Variants in COG3 observed in about 807,000 individuals in gnomAD.
COG3 encodes conserved oligomeric Golgi complex subunit 3.
Under a neutral mutation model 114.1 loss-of-function variants are expected in COG3, and 32 were observed. The ratio of observed to expected loss-of-function variants is 0.28; its 90% confidence interval spans 0.21 to 0.38. COG3 has a LOEUF of 0.38. Among genes scored for constraint, COG3 ranks in the 10% least tolerant of loss-of-function variants. The probability of loss-of-function intolerance (pLI) is 1.00; values close to 1 mark genes in which losing one functional copy is unlikely to be tolerated. For synonymous variants in COG3, 352 were observed against 365.7 expected (o/e 0.96, Z 0.43); for missense variants, 813 against 973.2 (o/e 0.84, Z 2.19).
intron 19 of COG3, among the ~76,000 whole-genome samples, chr13:45,519,810 A>G (rs1344039356): frequency 1.3e-5 from 2 of 152,238 alleles, no homozygotes; most frequent in South Asian, 2.1e-4. Flanking sequence ...AGGACTGACT[A>G]TATGTGTGGA....
intron 1 of COG3, among the ~76,000 whole-genome samples, chr13:45,469,627 C>G (rs180864774): frequency 5.3e-4 from 80 of 152,170 alleles, no homozygotes; most frequent in African/African-American, 1.6e-3. Context: ...CTTTATCTTA[C>G]ATGGTGAAGT....
intron 2 of COG3, among the ~76,000 whole-genome samples, chr13:45,477,930 A>G (rs1334334388): frequency 2.6e-5 from 4 of 152,040 alleles, no homozygotes; most frequent in African/African-American, 9.6e-5. Context: ...CCGGCCCCAC[A>G]GTCCATATTC....
intron 1 of COG3, among the ~76,000 whole-genome samples, chr13:45,473,019 G>A (rs1029219649): frequency 6.6e-6 from 1 of 152,176 alleles, no homozygotes; most frequent in Admixed American, 6.5e-5. Context: ...ACAGGCGCCC[G>A]CCACCACGCC....
At chr13:45,497,166 G>C (rs1037815744) in intron 13 of COG3, among the ~76,000 whole-genome samples, 2 of 152,160 alleles carry the variant, frequency 1.3e-5, no homozygotes, top group African/African-American at 4.8e-5. Context: ...TAAAAACCCT[G>C]GAGGCCGTCT....
At chr13:45,502,594 G>A (rs1869663763) in intron 13 of COG3, among the ~76,000 whole-genome samples, 1 of 152,092 alleles carries the variant, frequency 6.6e-6, no homozygotes, top group African/African-American at 2.4e-5. Flanking sequence ...GTGGTAGGGA[G>A]TCTGTTTCCT....
chr13:45,513,362 A>G (rs1593734769), intron 16 of COG3, among the ~76,000 whole-genome samples: 1 of 133,458 alleles, frequency 7.5e-6, no homozygotes, highest in Non-Finnish European at 1.6e-5. Context: ...TAATATATAC[A>G]TATAAATTAT....
chr13:45,516,853 T>A (rs142188530), intron 17 of COG3, among the ~76,000 whole-genome samples: 1 of 152,288 alleles, frequency 6.6e-6, no homozygotes, highest in Non-Finnish European at 1.5e-5. Flanking sequence ...AATGAAAATA[T>A]ATGTTAACAT....
At chr13:45,488,526 G>A (rs1400261290) in intron 8 of COG3, among the ~76,000 whole-genome samples, 1 of 152,064 alleles carries the variant, frequency 6.6e-6, no homozygotes, top group Admixed American at 6.6e-5. Context: ...AAAGATTAAG[G>A]ATGCAATATA....
At chr13:45,500,264 T>C (rs1473848868) in intron 13 of COG3, among the ~76,000 whole-genome samples, 4 of 152,178 alleles carry the variant, frequency 2.6e-5, no homozygotes, top group Admixed American at 2.0e-4. Context: ...ATCTGTAAGC[T>C]ATTAAATTTT....
chr13:45,512,621 C>T (rs1870987184), intron 16 of COG3, among the ~76,000 whole-genome samples: 1 of 151,484 alleles, frequency 6.6e-6, no homozygotes. Flanking sequence ...GTGTGAGCCA[C>T]TGTGCCTGGC....
At chr13:45,475,767 C>T (rs1200274650) in intron 1 of COG3, among the ~76,000 whole-genome samples, 1 of 151,806 alleles carries the variant, frequency 6.6e-6, no homozygotes, top group Non-Finnish European at 1.5e-5. Context: ...GAGTTTGAGA[C>T]CAGCCTGGGC....
intron 14 of COG3, among the ~76,000 whole-genome samples, chr13:45,507,133 C>T (rs1195229190): frequency 1.3e-5 from 2 of 152,204 alleles, no homozygotes; most frequent in Non-Finnish European, 2.9e-5. Context: ...AAAAAATGAA[C>T]ACAAGCTGAC....
rs10571583 is a variant in COG3 at position 45,508,068 on chromosome 13, T to TAAAAAAA, written c.1595-1599_1595-1593dup. Among the ~76,000 whole-genome samples the TAAAAAAA allele has an allele frequency of 4.1e-3, 131 of 32,276 alleles. 10 individuals are homozygous for TAAAAAAA. The highest frequency in any genetic ancestry group is 4.4e-3 in the Admixed American group (7 of 1,588). The allele number at this position is 32,276 out of a possible 152,430, so 21.2% of individuals were successfully genotyped here. A position where few individuals can be genotyped will look rare whatever the true frequency, so the allele number is the denominator to read the frequency against. The stretch of plus-strand genomic sequence containing the variant: ...TAGGTGACAGAGCCTAGGTCCAACC[T>TAAAAAAA]AAAAAAAAAAAAAAAAAAAAAAAAA... On this transcript the variant is annotated intron_variant, in intron 14 of 22. Coordinates refer to ENST00000349995, the MANE Select transcript of COG3 (RefSeq NM_031431.4).
intron 5 of COG3, 128 bp downstream of exon 5, chr13:45,481,432 A>G: frequency 1.6e-6 from 1 of 614,058 alleles, no homozygotes; most frequent in Admixed American, 2.9e-5. Flanking sequence ...GCTGATAGAT[A>G]TTCCTATTTG....
chr13:45,517,582 A>G (rs1871679490), intron 17 of COG3, among the ~76,000 whole-genome samples: 1 of 150,272 alleles, frequency 6.7e-6, no homozygotes, highest in Admixed American at 6.6e-5. Flanking sequence ...AATAGGAGCC[A>G]GATACCCTGG....
chr13:45,514,157 C>CT (rs57033822), intron 16 of COG3, among the ~76,000 whole-genome samples: 7,084 of 93,516 alleles, frequency 0.076, 750 homozygotes, highest in African/African-American at 0.12. Flanking sequence ...TGTCCTCTCT[C>CT]TTTTTTTTTT....
Position 45,529,938 on chromosome 13 carries a change from T to C in COG3, c.2358+20T>C. The C allele has an allele frequency of 1.9e-6, 3 of 1,591,312 alleles. No individual in the cohort carries two copies. The highest frequency in any genetic ancestry group is 1.2e-5 in the South Asian group (1 of 86,350). ...GTGAGGGTGAGTATCAGATAACTCA[T>C]TTGAATGTTGGCGGGTGACTTCAAG... On this transcript the variant is annotated intron_variant, in intron 21 of 22. Transcript: ENST00000349995.
chr13:45,519,365 T>G (rs1051770768), intron 19 of COG3, among the ~76,000 whole-genome samples: 2 of 152,218 alleles, frequency 1.3e-5, no homozygotes, highest in African/African-American at 4.8e-5. Context: ...GTTCTGTTTA[T>G]CCGCCTTGTA....
intron 14 of COG3, among the ~76,000 whole-genome samples, 197 bp from the exon 15 acceptor site, chr13:45,509,495 G>C (rs2985968): frequency 0.87 from 132,365 of 152,272 alleles, 57,699 homozygotes; most frequent in Admixed American, 0.91. Context: ...TGTATTCTCA[G>C]TTACTGTGTT....
Sources: allele counts gnomAD v4.1 joint callset (sites outside exome capture counted in the v4.1 genomes callset), GRCh38; gene constraint gnomAD v4.1.1; transcripts MANE v1.5; gene names NCBI Gene and HGNC (gene_info 2026-07-23, HGNC 2026-07-21).